Variants in MCFD2 observed in about 807,000 individuals in gnomAD.
The protein encoded by MCFD2 is multiple coagulation factor deficiency 2, ER cargo receptor complex subunit.
In MCFD2, 11 loss-of-function variants were observed where a neutral mutation model predicts 12.8. The ratio of observed to expected loss-of-function variants is 0.86; its 90% confidence interval spans 0.54 to 1.42. The LOEUF (loss-of-function observed/expected upper bound fraction) is 1.42. MCFD2 is among the 40% of genes most tolerant of loss of function. The pLI is 0.00. For missense variants in MCFD2, 191 were observed against 178.6 expected, an observed-to-expected ratio of 1.07 and a Z score of -0.40; for synonymous variants, 70 against 68.1, an observed-to-expected ratio of 1.03 and a Z score of -0.14.
At chr2:46,939,308 A>T (rs1332168625) in intron 1 of MCFD2, among the ~76,000 whole-genome samples, 4 of 152,086 alleles carry the variant, frequency 2.6e-5, no homozygotes, top group African/African-American at 9.7e-5. Context: ...TAATCCTAGC[A>T]CTTTGGGAGG....
upstream of MCFD2, among the ~76,000 whole-genome samples, chr2:46,919,306 G>A (rs1265743030): frequency 1.3e-5 from 2 of 152,178 alleles, no homozygotes; most frequent in African/African-American, 2.4e-5. Flanking sequence ...AGGCCGAGGC[G>A]GCAAATCACC....
chr2:46,909,763 C>G (rs1214257721), intron 1 of MCFD2, among the ~76,000 whole-genome samples: 1 of 152,172 alleles, frequency 6.6e-6, no homozygotes, highest in African/African-American at 2.4e-5. Flanking sequence ...GGGTAGGAAG[C>G]AGACAGGACA....
intron 1 of MCFD2, among the ~76,000 whole-genome samples, chr2:46,922,741 G>A (rs1313846319): frequency 6.6e-6 from 1 of 152,042 alleles, no homozygotes; most frequent in Non-Finnish European, 1.5e-5. Flanking sequence ...GGGGAGGGGC[G>A]GGGGGCTCTT....
intron 1 of MCFD2, among the ~76,000 whole-genome samples, chr2:46,926,768 C>T (rs1186369311): frequency 2.0e-5 from 3 of 152,318 alleles, no homozygotes; most frequent in South Asian, 2.1e-4. Flanking sequence ...ACAGTGTGAA[C>T]ACAAACTAGA....
upstream of MCFD2, among the ~76,000 whole-genome samples, chr2:46,918,895 T>C (rs998509443): frequency 6.6e-6 from 1 of 152,234 alleles, no homozygotes; most frequent in Non-Finnish European, 1.5e-5. Context: ...AGGATCTCTT[T>C]ACCTGCAACC....
At chr2:46,936,099 TA>T (rs1227015421) in intron 1 of MCFD2, among the ~76,000 whole-genome samples, 1 of 152,074 alleles carries the variant, frequency 6.6e-6, no homozygotes, top group Admixed American at 6.6e-5. Flanking sequence ...TCTAAAAACA[TA>T]AAAAATAATA....
chr2:46,923,806 C>T (rs994051387), intron 1 of MCFD2, among the ~76,000 whole-genome samples: 1 of 152,012 alleles, frequency 6.6e-6, no homozygotes, highest in Non-Finnish European at 1.5e-5. Flanking sequence ...CATCTCAGCT[C>T]ACTGCAACCT....
chr2:46,903,342 C>T lies in MCFD2; in HGVS notation c.*2121G>A, dbSNP rs187335799. 14 of 154,058 alleles carry T rather than the reference C, an allele frequency of 9.1e-5. No individual in the cohort carries two copies. In the East Asian group the frequency reaches 2.3e-3, roughly 25 times the overall value. The allele number at this position is 154,058 out of a possible 1,614,324, so 9.5% of individuals were successfully genotyped here. On this transcript the variant is annotated 3_prime_UTR_variant, in exon 4 of 4. Transcript: ENST00000319466. ...TATGTCTTTATCAGCAGCGTGAAAA[C>T]GGACTAATACAGTAAATTGGTACCA...
chr2:46,914,246 A>C (rs1430688561), intron 1 of MCFD2: 1 of 152,278 alleles, frequency 6.6e-6, no homozygotes, highest in Non-Finnish European at 1.5e-5. Flanking sequence ...CATCAGTCCT[A>C]TCAGCACTAA....
chr2:46,919,279 A>C (rs565623717), upstream of MCFD2, among the ~76,000 whole-genome samples: 2 of 152,390 alleles, frequency 1.3e-5, no homozygotes, highest in East Asian at 3.9e-4. Context: ...TCACGCCTGT[A>C]ATCCCAGCAC....
At position 46,905,246 on chromosome 2, in the gene MCFD2, A is replaced by T; in HGVS notation, c.*217T>A. On this transcript the variant is annotated 3_prime_UTR_variant, in exon 4 of 4. Coordinates refer to ENST00000319466, the MANE Select transcript of MCFD2 (RefSeq NM_139279.6). ...GATGCTTGAAGCAAGCCCTTGTCCA[A>T]TAAGGTATTTAATAGCACTTAGGGA... 1 of 576,230 alleles carries T rather than the reference A, an allele frequency of 1.7e-6. No individual in the cohort carries two copies. The highest frequency in any genetic ancestry group is 3.2e-6 in the Non-Finnish European group (1 of 316,718). 35.7% of individuals were successfully genotyped at this position (576,230 alleles called of 1,614,324 possible).
At chr2:46,927,888 T>G (rs1395227066) in intron 1 of MCFD2, among the ~76,000 whole-genome samples, 9 of 117,688 alleles carry the variant, frequency 7.6e-5, no homozygotes, top group African/African-American at 1.9e-4. Context: ...TTTGGTGTTT[T>G]TTTTTTTTTT....
At chr2:46,928,606 C>A (rs1026556615) in intron 1 of MCFD2, among the ~76,000 whole-genome samples, 7 of 151,646 alleles carry the variant, frequency 4.6e-5, no homozygotes, top group Non-Finnish European at 8.8e-5. Flanking sequence ...CCTGTCTCTA[C>A]GAAAAATATA....
At chr2:46,921,475 C>T (rs1478400540) in intron 1 of MCFD2, among the ~76,000 whole-genome samples, 4 of 152,184 alleles carry the variant, frequency 2.6e-5, no homozygotes, top group Non-Finnish European at 5.9e-5. Flanking sequence ...TCTTAATAGT[C>T]TAGTCATTCT....
At chr2:46,915,333 G>A (rs1263194032) in intron 1 of MCFD2, among the ~76,000 whole-genome samples, 1 of 152,200 alleles carries the variant, frequency 6.6e-6, no homozygotes, top group Non-Finnish European at 1.5e-5. Flanking sequence ...TCCCCCGCCG[G>A]GCCCGACAGG....
chr2:46,924,758 C>G (rs1299386357), intron 1 of MCFD2, among the ~76,000 whole-genome samples: 2 of 152,196 alleles, frequency 1.3e-5, no homozygotes, highest in African/African-American at 4.8e-5. Flanking sequence ...CCTGGAATAG[C>G]TGGGACTACA....
At chr2:46,917,394 C>A (rs956021446), upstream of MCFD2, 2 of 575,978 alleles carry the variant, frequency 3.5e-6, no homozygotes, top group Non-Finnish European at 6.1e-6. Flanking sequence ...GTTCCTCCTT[C>A]TACCCTGCAT....
At chr2:46,933,929 A>G (rs1205404636) in intron 1 of MCFD2, among the ~76,000 whole-genome samples, 1 of 152,206 alleles carries the variant, frequency 6.6e-6, no homozygotes, top group Non-Finnish European at 1.5e-5. Flanking sequence ...AGAAGAGGCC[A>G]GAGTGGAAGG....
intron 1 of MCFD2, among the ~76,000 whole-genome samples, chr2:46,911,749 G>A (rs780420089): frequency 5.3e-5 from 8 of 151,650 alleles, no homozygotes; most frequent in Non-Finnish European, 1.0e-4. Flanking sequence ...GTGAAATCCC[G>A]TTTCTACTAA....
Sources: gnomAD v4.1 joint callset for allele counts (sites outside exome capture counted in the v4.1 genomes callset) on GRCh38, gnomAD v4.1.1 for gene constraint, MANE v1.5 for transcripts, NCBI Gene and HGNC (gene_info 2026-07-23, HGNC 2026-07-21) for gene names.